Variants in SLC24A2 observed in about 807,000 individuals in gnomAD.
SLC24A2 encodes sodium/potassium/calcium exchanger 2.
In SLC24A2, 36 loss-of-function variants were observed where a neutral mutation model predicts 62.0. The observed-to-expected ratio is 0.58, with a 90% CI of 0.44 to 0.77. SLC24A2 has a LOEUF of 0.77. Ranked by LOEUF, SLC24A2 falls within the 30% of genes least tolerant of loss-of-function variation. The pLI, the probability that SLC24A2 is intolerant of heterozygous loss-of-function variation, is 0.00. For missense variants in SLC24A2, 846 were observed against 817.9 expected (o/e 1.03, Z -0.42); for synonymous variants, 358 against 294.0 (o/e 1.22, Z -2.23).
chr9:19,701,451 C>T (rs1335788276), intron 2 of SLC24A2, among the ~76,000 whole-genome samples: 4 of 152,288 alleles, frequency 2.6e-5, no homozygotes, highest in East Asian at 1.9e-4. Flanking sequence ...CCAGCTCCCC[C>T]GCACTTTGGG....
At chr9:19,556,724 T>C (rs1057323567) in intron 7 of SLC24A2, among the ~76,000 whole-genome samples, 1 of 152,188 alleles carries the variant, frequency 6.6e-6, no homozygotes, top group South Asian at 2.1e-4. Flanking sequence ...CAAAATAGAA[T>C]GTCAGCACTT....
the SLC24A2 span, among the ~76,000 whole-genome samples, chr9:19,897,716 G>C: frequency 6.6e-6 from 1 of 152,066 alleles, no homozygotes. Context: ...AACCCCATGA[G>C]GTAGGTATTA....
At chr9:19,767,326 G>A (rs919559509) in intron 2 of SLC24A2, among the ~76,000 whole-genome samples, 1 of 152,152 alleles carries the variant, frequency 6.6e-6, no homozygotes, top group Non-Finnish European at 1.5e-5. Flanking sequence ...TGGCATTCCA[G>A]GCACTACTGG....
the SLC24A2 span, among the ~76,000 whole-genome samples, chr9:20,258,528 G>T: frequency 3.5e-3 from 533 of 152,266 alleles, 9 homozygotes; most frequent in Admixed American, 0.034. Context: ...GTCTCTTCTG[G>T]AACCAGGACA....
the SLC24A2 span, among the ~76,000 whole-genome samples, chr9:20,278,850 T>C: frequency 6.6e-6 from 1 of 152,188 alleles, no homozygotes; most frequent in Non-Finnish European, 1.5e-5. Flanking sequence ...CAATTTATTG[T>C]ATTAGTCCAT....
At chr9:20,065,155 A>G in the SLC24A2 span, among the ~76,000 whole-genome samples, 1 of 152,224 alleles carries the variant, frequency 6.6e-6, no homozygotes, top group Non-Finnish European at 1.5e-5. Context: ...AGCTCTGGGG[A>G]AAACCAGAAA....
rs1823189674 is a variant in SLC24A2 at position 19,786,807 on chromosome 9, T to C, written c.60A>G (p.Ser20=). 8 of 1,611,606 alleles carry C rather than the reference T, an allele frequency of 5.0e-6. No individual in the cohort carries two copies. In the East Asian group the frequency reaches 1.6e-4, roughly 31 times the overall value. ...TATAATGTCTTCTGCAGCCAGACAG[T>C]GACTCATCCAAACACCATTTCTCTA... ...TSLEKWCLDE[S]LSGCRRHYSV... is the part of the protein sequence containing the mutation. Residue 20 remains serine (S), a synonymous_variant, in exon 2 of 11, where the codon TCA becomes TCG. Transcript: ENST00000341998. This position sits in a 1 kb window ranked among gnomAD's most constrained non-coding sequence, Gnocchi z 5.0.
chr9:19,738,852 C>T (rs1381161691), intron 2 of SLC24A2, among the ~76,000 whole-genome samples: 2 of 152,080 alleles, frequency 1.3e-5, no homozygotes, highest in Non-Finnish European at 2.9e-5. Context: ...GGCGTGGTGG[C>T]TCATGCCTGT....
intron 5 of SLC24A2, among the ~76,000 whole-genome samples, chr9:19,591,199 C>A (rs1836539148): frequency 6.6e-6 from 1 of 152,180 alleles, no homozygotes; most frequent in Admixed American, 6.5e-5. Flanking sequence ...TCTGCCTGAC[C>A]TCTATCCCAT....
chr9:20,009,383 C>T, the SLC24A2 span, among the ~76,000 whole-genome samples: 7 of 112,330 alleles, frequency 6.2e-5, no homozygotes, highest in Non-Finnish European at 1.1e-4. Flanking sequence ...AACTCTGTCT[C>T]AAAAAAAAAA....
At chr9:19,871,413 C>G in the SLC24A2 span, among the ~76,000 whole-genome samples, 1 of 152,120 alleles carries the variant, frequency 6.6e-6, no homozygotes, top group Non-Finnish European at 1.5e-5. Flanking sequence ...TGTTTTTCCA[C>G]TGGTAGTTTT....
chr9:19,946,512 C>T, the SLC24A2 span, among the ~76,000 whole-genome samples: 3 of 152,144 alleles, frequency 2.0e-5, no homozygotes, highest in East Asian at 1.9e-4. Context: ...GAAAGCAAAC[C>T]GCTGGCTCCA....
chr9:19,911,953 C>G, the SLC24A2 span, among the ~76,000 whole-genome samples: 458 of 152,198 alleles, frequency 3.0e-3, 2 homozygotes, highest in East Asian at 0.018. Flanking sequence ...TGCCATTGAG[C>G]CTTTTAGTGT....
chr9:20,276,301 A>T, the SLC24A2 span, among the ~76,000 whole-genome samples: 1 of 152,258 alleles, frequency 6.6e-6, no homozygotes, highest in African/African-American at 2.4e-5. Context: ...TGGCCAAAAC[A>T]AAGGGGCTAC....
At chr9:20,229,365 TGAA>T in the SLC24A2 span, among the ~76,000 whole-genome samples, 4 of 152,296 alleles carry the variant, frequency 2.6e-5, no homozygotes, top group East Asian at 1.9e-4. Flanking sequence ...CATCAGTTTT[TGAA>T]GAAGGAGTGA....
At chr9:19,584,117 A>G (rs1001026356) in intron 5 of SLC24A2, among the ~76,000 whole-genome samples, 2 of 152,078 alleles carry the variant, frequency 1.3e-5, no homozygotes, top group South Asian at 2.1e-4. Flanking sequence ...TCCCTCTGCC[A>G]TCTTTAGTAT....
the SLC24A2 span, among the ~76,000 whole-genome samples, chr9:20,279,143 T>G: frequency 6.6e-6 from 1 of 152,224 alleles, no homozygotes; most frequent in Non-Finnish European, 1.5e-5. Context: ...TTTCTCCAAC[T>G]AGGTCCCTCC....
chr9:20,089,275 C>G, the SLC24A2 span, among the ~76,000 whole-genome samples: 3 of 152,014 alleles, frequency 2.0e-5, no homozygotes, highest in African/African-American at 7.3e-5. Context: ...GTCCCGGTCC[C>G]GGTCCCGGTC....
the SLC24A2 span, among the ~76,000 whole-genome samples, chr9:19,856,647 A>G: frequency 6.6e-6 from 1 of 152,140 alleles, no homozygotes; most frequent in Non-Finnish European, 1.5e-5. Context: ...AATAGCAAAG[A>G]TGACTGCTTG....
Sources: allele counts gnomAD v4.1 joint callset (sites outside exome capture counted in the v4.1 genomes callset), GRCh38; gene constraint gnomAD v4.1.1; non-coding constraint Gnocchi (gnomAD v3.1); transcripts MANE v1.5; gene names NCBI Gene and HGNC (gene_info 2026-07-23, HGNC 2026-07-21).